Variants in MORC1 observed in about 807,000 individuals in gnomAD.
MORC1 encodes the protein MORC family CW-type zinc finger protein 1.
A neutral mutation model predicts 134.9 loss-of-function variants in MORC1; 59 were observed. That is an observed-to-expected ratio of 0.44 (90% CI 0.35 to 0.54). The LOEUF (loss-of-function observed/expected upper bound fraction) is 0.54, where lower values mean the gene tolerates loss of function less well. Ranked by LOEUF, MORC1 falls within the 20% of genes least tolerant of loss-of-function variation. MORC1 has a pLI of 0.00. For synonymous variants in MORC1, 395 were observed against 391.7 expected (o/e 1.01, Z -0.10); for missense variants, 947 against 1,134.5 (o/e 0.83, Z 2.37).
At chr3:109,095,114 A>C in intron 6 of MORC1, 46 bp from the exon 7 acceptor site, 1 of 1,503,994 alleles carries the variant, frequency 6.6e-7, no homozygotes, top group South Asian at 1.3e-5. Context: ...TACACAAAAA[A>C]CATTATTCTT....
rs1950098502 is a variant in MORC1 at position 109,062,140 on chromosome 3, T to C, written c.896-82A>G. ...GTGAGTATTTTCTATACATGTAGCA[T>C]GACCAGTGAAAAAGGCATACAGACC... On this transcript the variant is annotated intron_variant, in intron 10 of 27. Coordinates refer to ENST00000232603, the MANE Select transcript of MORC1 (RefSeq NM_014429.4). The C allele has an allele frequency of 2.4e-6, 3 of 1,262,074 alleles. No homozygotes were observed. In the African/African-American group the frequency reaches 4.4e-5, roughly 19 times the overall value. 78.2% of individuals were successfully genotyped at this position (1,262,074 alleles called of 1,614,324 possible).
intron 14 of MORC1, among the ~76,000 whole-genome samples, chr3:109,040,357 A>AGAAT (rs1331480928): frequency 0.011 from 738 of 65,096 alleles, 10 homozygotes; most frequent in South Asian, 0.064. Context: ...AAGAACTGAA[A>AGAAT]GAAAGAAAGA....
chr3:109,026,434 A>C (rs1949074916), intron 17 of MORC1, among the ~76,000 whole-genome samples: 1 of 152,212 alleles, frequency 6.6e-6, no homozygotes, highest in Non-Finnish European at 1.5e-5. Flanking sequence ...CTGCCATCAG[A>C]TTCTCTACCT....
Position 108,990,897 on chromosome 3 carries a change from T to TC in MORC1, c.2188-3949_2188-3948insG, listed in dbSNP as rs1491188862. The stretch of plus-strand genomic sequence containing the variant: ...AAAGGCTTAGGTTTATGTTTCTCTC[T>TC]TTCTCTCTCTCTCTCTCTCTCTCTC... On this transcript the variant is annotated intron_variant, in intron 21 of 27. Coordinates refer to ENST00000232603, the MANE Select transcript of MORC1 (RefSeq NM_014429.4). Among the ~76,000 whole-genome samples the TC allele has an allele frequency of 6.0e-3, 846 of 140,982 alleles. 12 individuals carry two copies. The highest frequency in any genetic ancestry group is 0.023 in the African/African-American group (818 of 35,718). 92.5% of individuals were successfully genotyped at this position (140,982 alleles called of 152,430 possible). A position where few individuals can be genotyped will look rare whatever the true frequency, so the allele number is the denominator to read the frequency against.
intron 14 of MORC1, 83 bp from the exon 15 acceptor site, chr3:109,035,551 C>T: frequency 1.2e-6 from 1 of 814,084 alleles, no homozygotes; most frequent in Non-Finnish European, 1.9e-6. Flanking sequence ...TTTGTATATA[C>T]AATATGATCT....
Position 109,064,625 on chromosome 3 carries a change from T to C in MORC1, c.816-1394A>G, listed in dbSNP as rs144595767. ...TCAAGTAAACTACAGTTCTGAACTTTTATTAACACAGAAAAAATTAGCCCC... is the reference window on the plus strand; with the variant it reads ...TCAAGTAAACTACAGTTCTGAACTTCTATTAACACAGAAAAAATTAGCCCC... On this transcript the variant is annotated intron_variant, in intron 9 of 27. Coordinates refer to ENST00000232603, the MANE Select transcript of MORC1 (RefSeq NM_014429.4). Among the ~76,000 whole-genome samples the C allele has an allele frequency of 2.8e-3, 427 of 152,316 alleles. 1 individual carries two copies. Among genetic ancestry groups the C allele is most frequent in the African/African-American group, 9.5e-3 (395 of 41,570 alleles).
chr3:109,073,801 CA>C (rs1950367864), intron 8 of MORC1, among the ~76,000 whole-genome samples: 1 of 152,096 alleles, frequency 6.6e-6, no homozygotes, highest in Non-Finnish European at 1.5e-5. Flanking sequence ...TGAATATAAA[CA>C]AGTGCATAAA....
In MORC1 at chr3:109,005,243, G is replaced by A. The variant is rs746422040; in HGVS notation, c.1840C>T (p.Leu614Phe). The A allele has an allele frequency of 6.2e-7, 1 of 1,613,820 alleles. No homozygotes were observed. The highest frequency in any genetic ancestry group is 8.5e-7 in the Non-Finnish European group (1 of 1,179,936). ...LKHESLSSFE[L>F]SASRRGQKRN... is the part of the protein sequence containing the mutation. ...TTCTGTCCTCTACGGCTCGCTGAAAGCTCAAAGGATGAAAGAGATTCATGC... is the reference window on the plus strand; with the variant it reads ...TTCTGTCCTCTACGGCTCGCTGAAAACTCAAAGGATGAAAGAGATTCATGC... Residue 614 changes from leucine to phenylalanine, a missense_variant, in exon 19 of 28, where the codon CTT becomes TTT. This residue lies in a region of MORC1 where 722 missense variants were observed against 817.0 expected (regional missense o/e 0.88). Transcript: ENST00000232603.
At chr3:108,993,855 A>G (rs1375755219) in intron 21 of MORC1, among the ~76,000 whole-genome samples, 1 of 152,172 alleles carries the variant, frequency 6.6e-6, no homozygotes, top group African/African-American at 2.4e-5. Flanking sequence ...ATTCGCTATC[A>G]TGTAGTACTG....
chr3:109,084,871 A>G (rs1304990731), intron 8 of MORC1, among the ~76,000 whole-genome samples: 2 of 152,262 alleles, frequency 1.3e-5, no homozygotes, highest in African/African-American at 4.8e-5. Context: ...ATTTTTGACA[A>G]AGCCATCAAA....
At position 109,027,753 on chromosome 3, in the gene MORC1, G is replaced by A; in HGVS notation, c.1702C>T (p.Gln568Ter). 1.9e-6 allele frequency: 3 copies of A among 1,613,782 alleles called. No individual in the cohort carries two copies. The highest frequency in any genetic ancestry group is 2.5e-6 in the Non-Finnish European group (3 of 1,179,784). ...GGGAGGAATTAATCACAACTCACCT[G>A]TGGCTGCTGTTCTGCCAGTCTATTT... is the stretch of plus-strand genomic sequence containing the variant. Reference protein sequence around the residue: ...YQNRLAEQQPQPQFIPVDEIT... With the variant: ...YQNRLAEQQP Residue 568 changes from glutamine (Q) to a stop codon, truncating the protein, a stop_gained and splice_region_variant, in exon 17 of 28, where the codon CAG becomes TAG. Coordinates refer to ENST00000232603, the MANE Select transcript of MORC1 (RefSeq NM_014429.4). LOFTEE classifies it high-confidence loss of function.
At chr3:109,040,406 A>AAGAAAG (rs1949491223) in intron 14 of MORC1, among the ~76,000 whole-genome samples, 4 of 21,686 alleles carry the variant, frequency 1.8e-4, no homozygotes, top group African/African-American at 4.2e-4. Context: ...AAGAAAGAGA[A>AAGAAAG]GGAAGGAAGG....
intron 14 of MORC1, among the ~76,000 whole-genome samples, chr3:109,036,826 C>A (rs1949390972): frequency 6.6e-6 from 1 of 152,144 alleles, no homozygotes; most frequent in Admixed American, 6.5e-5. Context: ...CCAAATTTTC[C>A]TTTGGATTTG....
chr3:109,023,537 G>A (rs1003823577), intron 17 of MORC1, among the ~76,000 whole-genome samples: 4 of 152,188 alleles, frequency 2.6e-5, no homozygotes, highest in African/African-American at 9.7e-5. Flanking sequence ...GTCTTTTAAT[G>A]ATTGAGGGTA....
At position 109,072,215 on chromosome 3, in the gene MORC1, T is replaced by C. The variant is rs1950334421; in HGVS notation, c.690-2458A>G. Among the ~76,000 whole-genome samples, 4 of 152,216 alleles carry C rather than the reference T, an allele frequency of 2.6e-5. No individual in the cohort carries two copies. The South Asian group carries it at 8.3e-4, about 32-fold the overall frequency. ...CTTAATTCTCCAGTCTCATCTCTTG[T>C]CTTCAGCCTGGCCATTTAGGACCAT... is the stretch of plus-strand genomic sequence containing the variant. On this transcript the variant is annotated intron_variant, in intron 8 of 27. Coordinates refer to ENST00000232603, the MANE Select transcript of MORC1 (RefSeq NM_014429.4).
chr3:109,000,736 A>T, intron 20 of MORC1, 78 bp from the exon 21 acceptor site: 1 of 1,046,724 alleles, frequency 9.6e-7, no homozygotes, highest in Non-Finnish European at 1.4e-6. Context: ...TTCACTCTTC[A>T]TTCTGCCTCT....
intron 12 of MORC1, among the ~76,000 whole-genome samples, chr3:109,058,642 C>T (rs1950014723): frequency 1.3e-5 from 2 of 151,902 alleles, no homozygotes; most frequent in African/African-American, 4.8e-5. Context: ...TTATTAAACA[C>T]ATGTATATCT....
At chr3:109,014,947 G>A (rs568004831) in intron 17 of MORC1, among the ~76,000 whole-genome samples, 62 of 152,208 alleles carry the variant, frequency 4.1e-4, no homozygotes, top group African/African-American at 1.3e-3. Context: ...GTGCAGTGGC[G>A]TAATCTCGGC....
chr3:109,100,009 C>G (rs547428241), intron 5 of MORC1, among the ~76,000 whole-genome samples: 1 of 152,016 alleles, frequency 6.6e-6, no homozygotes, highest in South Asian at 2.1e-4. Context: ...TTTGGGAGGC[C>G]GAGGCGGGCT....
Sources: gnomAD v4.1 joint callset for allele counts (sites outside exome capture counted in the v4.1 genomes callset) on GRCh38, gnomAD v4.1.1 for gene constraint, gnomAD v4.1.1 regional missense constraint, MANE v1.5 for transcripts, NCBI Gene and HGNC (gene_info 2026-07-23, HGNC 2026-07-21) for gene names.